NPIPB2: variants seen among roughly 807,000 people sequenced by gnomAD.
NPIPB2 encodes the protein nuclear pore complex-interacting protein family member B2.
In NPIPB2, 27 loss-of-function variants were observed where a neutral mutation model predicts 30.8. That is an observed-to-expected ratio of 0.88 (90% confidence interval 0.65 to 1.21). The LOEUF (loss-of-function observed/expected upper bound fraction) is 1.21, where lower values mean the gene tolerates loss of function less well. NPIPB2 is among the 50% of genes most tolerant of loss of function. The pLI is 0.00. For synonymous variants in NPIPB2, 147 were observed against 162.0 expected (o/e 0.91, Z 0.70); for missense variants, 440 against 446.2 (o/e 0.99, Z 0.13).
upstream of NPIPB2, among the ~76,000 whole-genome samples, chr16:11,947,021 C>T (rs1663462207): frequency 7.8e-6 from 1 of 127,866 alleles, no homozygotes; most frequent in Admixed American, 9.0e-5. Context: ...CTTGACCAGC[C>T]TAAATTCAAC....
At chr16:11,930,309 A>ACT (rs557400869) in intron 5 of NPIPB2, 141 bp downstream of exon 5, 50 of 770,420 alleles carry the variant, frequency 6.5e-5, no homozygotes, top group South Asian at 1.1e-4. Context: ...TGTTTTGTGA[A>ACT]CTCTCTCTCT....
intron 1 of NPIPB2, among the ~76,000 whole-genome samples, chr16:11,947,296 TTTTATTTA>T (rs146457872): frequency 0.22 from 29,887 of 135,854 alleles, 5,796 homozygotes; most frequent in African/African-American, 0.52. Context: ...CATACACATA[TTTTATTTA>T]TTTATTTATT....
intron 1 of NPIPB2, among the ~76,000 whole-genome samples, chr16:11,962,236 T>A (rs1293752076): frequency 3.4e-5 from 5 of 146,854 alleles, no homozygotes; most frequent in African/African-American, 1.3e-4. Context: ...TGCGGTGGCT[T>A]GCACCTGTAA....
intron 1 of NPIPB2, chr16:11,964,111 A>T (rs2055174924): frequency 6.6e-6 from 1 of 152,106 alleles, no homozygotes; most frequent in South Asian, 2.1e-4. Flanking sequence ...TCTATCTAGA[A>T]TTCAGGGATC....
upstream of NPIPB2, among the ~76,000 whole-genome samples, chr16:11,943,592 C>G (rs1469268758): frequency 6.6e-6 from 1 of 151,068 alleles, no homozygotes; most frequent in Admixed American, 6.6e-5. Flanking sequence ...ATCCCAGCTA[C>G]TCAGAAGGCT....
upstream of NPIPB2, among the ~76,000 whole-genome samples, chr16:11,944,732 TCAAAA>T (rs2054985362): frequency 1.0e-4 from 1 of 9,616 alleles, no homozygotes; most frequent in African/African-American, 3.5e-4. Flanking sequence ...AGACTCCGTG[TCAAAA>T]AAAAAAAAAA....
At chr16:11,975,187 G>A (rs1454274904) in intron 1 of NPIPB2, among the ~76,000 whole-genome samples, 5 of 62,234 alleles carry the variant, frequency 8.0e-5, no homozygotes, top group Admixed American at 5.8e-4. Flanking sequence ...TCGCTCTGTC[G>A]CCCAGGCTGG....
At chr16:11,952,991 C>T (rs2055081210) in intron 1 of NPIPB2, among the ~76,000 whole-genome samples, 1 of 152,144 alleles carries the variant, frequency 6.6e-6, no homozygotes, top group Non-Finnish European at 1.5e-5. Flanking sequence ...CAAGTGTATT[C>T]CCTGTGGATT....
At chr16:11,941,593 G>A (rs1165976570) in intron 1 of NPIPB2, among the ~76,000 whole-genome samples, 1 of 121,688 alleles carries the variant, frequency 8.2e-6, no homozygotes, top group South Asian at 2.8e-4. Context: ...AGGCTTAGGG[G>A]CAATTAGAGG....
intron 1 of NPIPB2, among the ~76,000 whole-genome samples, chr16:11,952,076 G>C (rs1018606840): frequency 1.3e-5 from 2 of 150,806 alleles, no homozygotes; most frequent in Admixed American, 1.3e-4. Context: ...GGAGAATGGC[G>C]TGAACCCAGG....
At chr16:11,956,257 GCCTTGAA>G (rs2055111795) in intron 1 of NPIPB2, 1 of 152,188 alleles carries the variant, frequency 6.6e-6, no homozygotes, top group South Asian at 2.1e-4. Flanking sequence ...GGAGAACCAA[GCCTTGAA>G]CCTGGCTCTG....
chr16:11,965,872 G>A (rs2055189227), intron 1 of NPIPB2, among the ~76,000 whole-genome samples: 1 of 152,194 alleles, frequency 6.6e-6, no homozygotes, highest in Non-Finnish European at 1.5e-5. Context: ...CACTTTGGGA[G>A]GCCGAGGTGG....
intron 1 of NPIPB2, among the ~76,000 whole-genome samples, chr16:11,951,556 T>A (rs1011600892): frequency 1.3e-5 from 2 of 149,360 alleles, no homozygotes; most frequent in African/African-American, 4.9e-5. Flanking sequence ...TATACATCCT[T>A]CTCCTCAATA....
At chr16:11,971,998 T>C (rs2055238462) in intron 1 of NPIPB2, among the ~76,000 whole-genome samples, 1 of 151,300 alleles carries the variant, frequency 6.6e-6, no homozygotes, top group Non-Finnish European at 1.5e-5. Context: ...TACAAAAAAT[T>C]AGCCGGGTGT....
chr16:11,960,591 C>T (rs998843270), intron 1 of NPIPB2, among the ~76,000 whole-genome samples: 4 of 152,070 alleles, frequency 2.6e-5, no homozygotes, highest in Admixed American at 6.6e-5. Context: ...CTCCTGACCT[C>T]AGGTTATCCG....
intron 1 of NPIPB2, chr16:11,967,533 G>C (rs1474289092): frequency 6.3e-7 from 1 of 1,590,240 alleles, no homozygotes; most frequent in African/African-American, 1.3e-5. Context: ...CATTCTCTGT[G>C]AAGTTTGGGT....
intron 1 of NPIPB2, chr16:11,967,491 C>G: frequency 1.4e-6 from 2 of 1,401,316 alleles, no homozygotes; most frequent in African/African-American, 1.4e-5. Flanking sequence ...TGCTTTGAGT[C>G]CCGATGTGTA....
At chr16:11,946,688 G>A (rs879898128), upstream of NPIPB2, among the ~76,000 whole-genome samples, 113 of 152,218 alleles carry the variant, frequency 7.4e-4, no homozygotes, top group Non-Finnish European at 1.4e-3. Context: ...CCACATTGCC[G>A]GTAGGAAAGT....
intron 1 of NPIPB2, among the ~76,000 whole-genome samples, chr16:11,955,783 T>G: frequency 7.2e-6 from 1 of 139,806 alleles, no homozygotes; most frequent in African/African-American, 2.7e-5. Flanking sequence ...TTGCAGATAG[T>G]GGCAATGGAA....
Sources: allele counts gnomAD v4.1 joint callset (sites outside exome capture counted in the v4.1 genomes callset), GRCh38; gene constraint gnomAD v4.1.1; transcripts MANE v1.5; gene names NCBI Gene and HGNC (gene_info 2026-07-23, HGNC 2026-07-21).